The following WWOX variants were observed in gnomAD, a reference collection of about 807,000 sequenced individuals.
The protein encoded by WWOX is WW domain-containing oxidoreductase.
WWOX carries 69 observed loss-of-function variants against 46.2 expected under a neutral mutation model. That is an observed-to-expected ratio of 1.49 (90% CI 1.23 to 1.82). The LOEUF (loss-of-function observed/expected upper bound fraction) is 1.82. Among genes scored for constraint, WWOX ranks in the 40% most tolerant of loss-of-function variants. The pLI is 0.00. For synonymous variants in WWOX, 359 were observed against 202.6 expected (o/e 1.77, Z -6.56); for missense variants, 919 against 542.6 (o/e 1.69, Z -6.89).
rs190493402 is a variant in WWOX at position 78,878,044 on chromosome 16, A to C, written c.1057-333564A>C. ...TCTCTTTGCGTCACCAGAGAGGAAG[A>C]TCCCCTAAGACAAAGCATTCCCTGT... On this transcript the variant is annotated intron_variant, in intron 8 of 8. Coordinates refer to ENST00000566780, the MANE Select transcript of WWOX (RefSeq NM_016373.4). Among the ~76,000 whole-genome samples the C allele has an allele frequency of 2.6e-5, 4 of 152,294 alleles. No homozygotes were observed. In the East Asian group the frequency reaches 7.7e-4, roughly 29 times the overall value.
intron 8 of WWOX, among the ~76,000 whole-genome samples, chr16:79,020,262 G>C (rs935008427): frequency 6.6e-6 from 1 of 152,230 alleles, no homozygotes; most frequent in Non-Finnish European, 1.5e-5. Context: ...TGGATGGAGA[G>C]GACAGTGCCT....
chr16:78,635,069 C>T (rs550705757), intron 8 of WWOX, among the ~76,000 whole-genome samples: 2 of 152,258 alleles, frequency 1.3e-5, no homozygotes, highest in African/African-American at 4.8e-5. Flanking sequence ...CCCCCTCTTA[C>T]AGATAGGAAA....
intron 8 of WWOX, among the ~76,000 whole-genome samples, chr16:79,120,924 A>G (rs1249433229): frequency 1.3e-5 from 2 of 152,134 alleles, no homozygotes; most frequent in Non-Finnish European, 2.9e-5. Flanking sequence ...GTGCGCCACC[A>G]TGCCCGGTCA....
chr16:79,064,823 G>T (rs2048413534), intron 8 of WWOX, among the ~76,000 whole-genome samples: 1 of 152,180 alleles, frequency 6.6e-6, no homozygotes, highest in Admixed American at 6.5e-5. Flanking sequence ...ACTTATTTAT[G>T]AATTATCTGC....
chr16:78,105,437 T>A (rs1453529780), intron 1 of WWOX, among the ~76,000 whole-genome samples: 1 of 147,534 alleles, frequency 6.8e-6, no homozygotes, highest in African/African-American at 2.5e-5. Context: ...GCAGCCTGGG[T>A]GACAGAGTGA....
At chr16:78,533,341 G>T (rs993431281) in intron 8 of WWOX, among the ~76,000 whole-genome samples, 1 of 151,858 alleles carries the variant, frequency 6.6e-6, no homozygotes, top group Non-Finnish European at 1.5e-5. Context: ...CAAACTTTTG[G>T]CTTCCCTGGG....
At chr16:78,504,904 A>C (rs1460293017) in intron 8 of WWOX, among the ~76,000 whole-genome samples, 1 of 152,124 alleles carries the variant, frequency 6.6e-6, no homozygotes, top group African/African-American at 2.4e-5. Context: ...AACCCACATT[A>C]ATTAATATAA....
Position 79,001,071 on chromosome 16 carries a change from C to A in WWOX, c.1057-210537C>A, listed in dbSNP as rs140188897. ...TCAATAAATACATTAATTAATTAAT[C>A]TGCAGGAGAAAGAAGGGCAAGGTAC... On this transcript the variant is annotated intron_variant, in intron 8 of 8. Coordinates refer to ENST00000566780, the MANE Select transcript of WWOX (RefSeq NM_016373.4). Among the ~76,000 whole-genome samples the A allele has an allele frequency of 4.4e-3, 676 of 152,282 alleles. 8 individuals are homozygous for A. Among genetic ancestry groups the A allele is most frequent in the African/African-American group, 0.015 (627 of 41,552 alleles).
At chr16:78,398,803 G>C (rs2082346838) in intron 6 of WWOX, among the ~76,000 whole-genome samples, 1 of 152,206 alleles carries the variant, frequency 6.6e-6, no homozygotes. Flanking sequence ...GGGTTGTTGA[G>C]AGGATTCAAT....
At chr16:79,187,414 T>G (rs561249971) in intron 8 of WWOX, among the ~76,000 whole-genome samples, 2 of 152,196 alleles carry the variant, frequency 1.3e-5, no homozygotes, top group Non-Finnish European at 2.9e-5. Context: ...TTCTGTTGTG[T>G]TTTTGAGACA....
chr16:78,575,303 A>C (rs1443386304), intron 8 of WWOX, among the ~76,000 whole-genome samples: 1 of 150,470 alleles, frequency 6.6e-6, no homozygotes, highest in East Asian at 2.0e-4. Flanking sequence ...TCTAAGATTC[A>C]GATCTCCCTA....
chr16:78,533,432 A>G (rs943175485), intron 8 of WWOX, among the ~76,000 whole-genome samples: 8 of 150,966 alleles, frequency 5.3e-5, no homozygotes, highest in African/African-American at 1.2e-4. Context: ...AAAATCCCCA[A>G]AAAATCTCAT....
At chr16:78,435,808 G>A (rs11646795) in intron 8 of WWOX, among the ~76,000 whole-genome samples, 3 of 152,048 alleles carry the variant, frequency 2.0e-5, no homozygotes, top group African/African-American at 7.2e-5. Context: ...AGCTTTCTGA[G>A]CCTGTCTCAT....
chr16:78,432,063 T>C lies in WWOX; in HGVS notation c.792-425T>C, dbSNP rs528443386. On this transcript the variant is annotated intron_variant, in intron 7 of 8. Transcript: ENST00000566780. ...CATTGTCAATCTTGAAAGGAGACTT[T>C]GTTTTGATGTATGTAAGATTGAGTT... is the stretch of plus-strand genomic sequence containing the variant. 6.6e-5 allele frequency among the ~76,000 whole-genome samples: 10 copies of C among 152,210 alleles called. No individual in the cohort carries two copies. In the East Asian group the frequency reaches 1.5e-3, roughly 24 times the overall value.
At chr16:79,041,563 T>C (rs2047971910) in intron 8 of WWOX, among the ~76,000 whole-genome samples, 1 of 152,146 alleles carries the variant, frequency 6.6e-6, no homozygotes, top group Non-Finnish European at 1.5e-5. Flanking sequence ...GGGCTGAGCC[T>C]ATGACGGGTG....
chr16:78,911,911 G>C (rs1177420369), intron 8 of WWOX, among the ~76,000 whole-genome samples: 1 of 151,980 alleles, frequency 6.6e-6, no homozygotes, highest in Non-Finnish European at 1.5e-5. Context: ...TCATTCTCAA[G>C]CTTAGTGTGT....
At chr16:78,611,163 A>G (rs74399111) in intron 8 of WWOX, among the ~76,000 whole-genome samples, 7,119 of 152,276 alleles carry the variant, frequency 0.047, 225 homozygotes, top group East Asian at 0.12. Flanking sequence ...AACGACTGAA[A>G]TAGGTAGTTG....
intron 5 of WWOX, among the ~76,000 whole-genome samples, chr16:78,195,146 C>G (rs2036007976): frequency 2.0e-5 from 3 of 152,196 alleles, no homozygotes; most frequent in Non-Finnish European, 4.4e-5. Context: ...CCTGCTGGTA[C>G]TTCACCCTGG....
At chr16:78,913,889 G>T (rs1318601597) in intron 8 of WWOX, among the ~76,000 whole-genome samples, 1 of 151,878 alleles carries the variant, frequency 6.6e-6, no homozygotes. Flanking sequence ...TCAAAGTCCT[G>T]GCCTCAAGTG....
Sources: allele counts gnomAD v4.1 joint callset (sites outside exome capture counted in the v4.1 genomes callset), GRCh38; gene constraint gnomAD v4.1.1; transcripts MANE v1.5; gene names NCBI Gene and HGNC (gene_info 2026-07-23, HGNC 2026-07-21).